Variants in CNBD1 observed in about 807,000 individuals in gnomAD.
CNBD1 encodes the protein cyclic nucleotide binding domain containing 1, also known as cyclic nucleotide-binding domain-containing protein 1.
Under a neutral mutation model 54.4 loss-of-function variants are expected in CNBD1, and 71 were observed. That is an observed-to-expected ratio of 1.30 (90% CI 1.08 to 1.59). The LOEUF (loss-of-function observed/expected upper bound fraction) is 1.59, where lower values mean the gene tolerates loss of function less well. Ranked by LOEUF, CNBD1 falls within the 40% of genes most tolerant of loss-of-function variation. The probability of loss-of-function intolerance (pLI) is 0.00; values close to 1 mark genes in which losing one functional copy is unlikely to be tolerated. For missense variants in CNBD1, 659 were observed against 518.0 expected (o/e 1.27, Z -2.64); for synonymous variants, 182 against 170.7 (o/e 1.07, Z -0.51).
intron 4 of CNBD1, among the ~76,000 whole-genome samples, chr8:87,178,359 A>G (rs1813242805): frequency 6.6e-6 from 1 of 152,214 alleles, no homozygotes. Context: ...CAGAAACATG[A>G]AGGAGGAGAG....
At chr8:87,314,880 G>A (rs1809348978) in intron 8 of CNBD1, among the ~76,000 whole-genome samples, 1 of 151,970 alleles carries the variant, frequency 6.6e-6, no homozygotes, top group Non-Finnish European at 1.5e-5. Flanking sequence ...TGTAAAATAA[G>A]ACAGTTCAGA....
chr8:86,878,385 A>G (rs1342963300), intron 1 of CNBD1, among the ~76,000 whole-genome samples: 1 of 152,110 alleles, frequency 6.6e-6, no homozygotes, highest in Non-Finnish European at 1.5e-5. Flanking sequence ...TTAATGTTGA[A>G]CACTTTTCAT....
chr8:87,187,591 C>A (rs958247110), intron 4 of CNBD1, among the ~76,000 whole-genome samples: 2 of 151,576 alleles, frequency 1.3e-5, no homozygotes, highest in Non-Finnish European at 2.9e-5. Context: ...AGTCAGCAAT[C>A]CTGACAAAGA....
intron 6 of CNBD1, among the ~76,000 whole-genome samples, chr8:87,266,096 A>G (rs916667667): frequency 1.3e-5 from 2 of 152,088 alleles, no homozygotes; most frequent in Admixed American, 1.3e-4. Flanking sequence ...AGGGTTCAAT[A>G]TAGCTAAATT....
chr8:86,969,629 C>T (rs1325294740), intron 4 of CNBD1, among the ~76,000 whole-genome samples: 2 of 151,986 alleles, frequency 1.3e-5, no homozygotes, highest in African/African-American at 2.4e-5. Context: ...TATGTGCATA[C>T]ACATGGAGTC....
At chr8:87,320,957 C>T (rs76461008) in intron 8 of CNBD1, among the ~76,000 whole-genome samples, 5,298 of 152,118 alleles carry the variant, frequency 0.035, 296 homozygotes, top group African/African-American at 0.12. Flanking sequence ...TGGAATCATG[C>T]AGTATTTGTC....
At chr8:87,426,310 G>C (rs1307670829) in intron 2 of CNBD1, among the ~76,000 whole-genome samples, 2 of 152,166 alleles carry the variant, frequency 1.3e-5, no homozygotes, top group Non-Finnish European at 2.9e-5. Flanking sequence ...CTGTAGACCG[G>C]AGCTGTTCCT....
At chr8:87,081,023 T>A (rs1274991091) in intron 4 of CNBD1, among the ~76,000 whole-genome samples, 1 of 152,046 alleles carries the variant, frequency 6.6e-6, no homozygotes, top group East Asian at 1.9e-4. Flanking sequence ...CAATTACATT[T>A]ATTTTCTTCT....
chr8:86,937,310 G>T (rs751017546), intron 3 of CNBD1, among the ~76,000 whole-genome samples: 6 of 152,156 alleles, frequency 3.9e-5, no homozygotes, highest in Non-Finnish European at 8.8e-5. Flanking sequence ...CCCACAACAC[G>T]TGGGAATTAA....
intron 6 of CNBD1, among the ~76,000 whole-genome samples, chr8:87,261,441 C>A (rs1465661297): frequency 6.6e-6 from 1 of 151,060 alleles, no homozygotes; most frequent in Non-Finnish European, 1.5e-5. Context: ...GAGCAATGAA[C>A]CATTCATGAA....
chr8:87,332,497 G>A (rs1809857155), intron 8 of CNBD1, among the ~76,000 whole-genome samples: 1 of 152,076 alleles, frequency 6.6e-6, no homozygotes, highest in Admixed American at 6.6e-5. Flanking sequence ...TTCTTCTAGG[G>A]TTTTTATGGT....
intron 4 of CNBD1, among the ~76,000 whole-genome samples, chr8:87,170,242 G>C (rs1008023793): frequency 6.6e-6 from 1 of 152,082 alleles, no homozygotes; most frequent in African/African-American, 2.4e-5. Context: ...CTACTGATTT[G>C]TGTGTGTTGA....
chr8:86,934,656 C>A (rs1809513258), intron 3 of CNBD1, among the ~76,000 whole-genome samples: 1 of 152,070 alleles, frequency 6.6e-6, no homozygotes, highest in Admixed American at 6.6e-5. Flanking sequence ...ATTTCTCTTT[C>A]TAGTTTGCTA....
intron 4 of CNBD1, among the ~76,000 whole-genome samples, chr8:86,975,279 A>T (rs1808315521): frequency 6.6e-6 from 1 of 151,948 alleles, no homozygotes; most frequent in Admixed American, 6.6e-5. Context: ...TAGCAATTTA[A>T]AATGTACAAT....
At position 87,206,147 on chromosome 8, in the gene CNBD1, C is replaced by T. The variant is rs779924438; in HGVS notation, c.577+9C>T. ...GTTGAAAGGCAGCACAGGTAATAGA[C>T]TAATGTGGGATAAATTTGGCGAGAT... On this transcript the variant is annotated intron_variant, in intron 5 of 10. Coordinates refer to ENST00000518476, the MANE Select transcript of CNBD1 (RefSeq NM_173538.3). 1.3e-6 allele frequency: 2 copies of T among 1,548,342 alleles called. No individual in the cohort carries two copies. Among genetic ancestry groups the T allele is most frequent in the African/African-American group, 1.4e-5 (1 of 71,522 alleles).
intron 4 of CNBD1, among the ~76,000 whole-genome samples, chr8:87,022,980 T>C (rs1242365229): frequency 6.6e-6 from 1 of 152,182 alleles, no homozygotes; most frequent in Non-Finnish European, 1.5e-5. Flanking sequence ...ATCATAGTAT[T>C]TAAACCTTAC....
At chr8:87,424,032 C>G (rs931881014) in intron 2 of CNBD1, among the ~76,000 whole-genome samples, 1 of 152,136 alleles carries the variant, frequency 6.6e-6, no homozygotes, top group African/African-American at 2.4e-5. Flanking sequence ...GGAATTTATC[C>G]ATTTCTTCTA....
At chr8:86,943,641 G>T (rs1807392251) in intron 4 of CNBD1, among the ~76,000 whole-genome samples, 1 of 152,090 alleles carries the variant, frequency 6.6e-6, no homozygotes, top group Non-Finnish European at 1.5e-5. Flanking sequence ...AACAGACAGT[G>T]GGAGGGAGAG....
intron 5 of CNBD1, among the ~76,000 whole-genome samples, chr8:87,222,190 T>C (rs1814353559): frequency 6.6e-6 from 1 of 152,138 alleles, no homozygotes; most frequent in Non-Finnish European, 1.5e-5. Context: ...AGTTTTATCT[T>C]ATTCCTCAAT....
Sources: allele counts gnomAD v4.1 joint callset (sites outside exome capture counted in the v4.1 genomes callset), GRCh38; gene constraint gnomAD v4.1.1; transcripts MANE v1.5; gene names NCBI Gene and HGNC (gene_info 2026-07-23, HGNC 2026-07-21).